TOP2B: variants seen among roughly 807,000 people sequenced by gnomAD.
The protein encoded by TOP2B is DNA topoisomerase 2-beta.
Under a neutral mutation model 193.5 loss-of-function variants are expected in TOP2B, and 51 were observed. That is an observed-to-expected ratio of 0.26 (90% CI 0.21 to 0.33). The LOEUF (loss-of-function observed/expected upper bound fraction) is 0.33. Among genes scored for constraint, TOP2B ranks in the 10% least tolerant of loss-of-function variants. The pLI is 1.00. For missense variants in TOP2B, 1,378 were observed against 1,909.3 expected, an observed-to-expected ratio of 0.72 and a Z score of 5.19; for synonymous variants, 634 against 635.7, an observed-to-expected ratio of 1.00 and a Z score of 0.04.
At chr3:25,621,036 A>G in intron 21 of TOP2B, among the ~76,000 whole-genome samples, 1 of 152,176 alleles carries the variant, frequency 6.6e-6, no homozygotes, top group Non-Finnish European at 1.5e-5. Context: ...TAGTCTTCCT[A>G]GAACAGTACT....
Position 25,664,757 on chromosome 3 carries a change from G to T in TOP2B, c.-460C>A. The T allele has an allele frequency of 2.0e-6, 2 of 988,468 alleles. No homozygotes were observed. The highest frequency in any genetic ancestry group is 2.4e-6 in the Non-Finnish European group (2 of 830,846). The allele number at this position is 988,468 out of a possible 1,614,324, so 61.2% of individuals were successfully genotyped here. A position where few individuals can be genotyped will look rare whatever the true frequency, so the allele number is the denominator to read the frequency against. On this transcript the variant is annotated 5_prime_UTR_variant, in exon 1 of 36. Coordinates refer to ENST00000264331, the MANE Select transcript of TOP2B (RefSeq NM_001330700.2). ...AGCCACTCGAGTCGCCAGAGTAGTC[G>T]TCCCGGTCGCCGCCGCTGCTTCAAA...
At chr3:25,607,803 CAG>C (rs1032594629) in intron 30 of TOP2B, among the ~76,000 whole-genome samples, 14 of 152,162 alleles carry the variant, frequency 9.2e-5, no homozygotes, top group African/African-American at 3.1e-4. Flanking sequence ...TTTTTTGACA[CAG>C]AGTCTTGTTC....
At position 25,616,495 on chromosome 3, in the gene TOP2B, GAAGT is replaced by G. The variant is rs547487793; in HGVS notation, c.3352-913_3352-910del. On this transcript the variant is annotated intron_variant, in intron 25 of 35. Coordinates refer to ENST00000264331, the MANE Select transcript of TOP2B (RefSeq NM_001330700.2). ...CAAAGTACAGTTTACGTGTACTTCA[GAAGT>G]AAGATAAAAATTAAAACTGCAAAGC... Among the ~76,000 whole-genome samples the G allele has an allele frequency of 1.7e-3, 260 of 150,484 alleles. 2 individuals are homozygous for G. Among genetic ancestry groups the G allele is most frequent in the African/African-American group, 5.9e-3 (241 of 41,072 alleles).
At chr3:25,651,463 A>G (rs966688789) in intron 1 of TOP2B, among the ~76,000 whole-genome samples, 2 of 151,892 alleles carry the variant, frequency 1.3e-5, no homozygotes, top group Non-Finnish European at 1.5e-5. Flanking sequence ...AAAAAAATCA[A>G]TGAAACACAA....
rs1575558987 is a variant in TOP2B, at chr3:25,601,285, G to C, written c.4490-60C>G. 27 of 1,553,988 alleles carry C rather than the reference G, an allele frequency of 1.7e-5. No homozygotes were observed. In the East Asian group the frequency reaches 5.7e-4, roughly 33 times the overall value. ...ACTTACCAACAAACCAAACTGAAGAGAGTCCTATATAAATGGAATTTCTTA... is the reference window on the plus strand; with the variant it reads ...ACTTACCAACAAACCAAACTGAAGACAGTCCTATATAAATGGAATTTCTTA... On this transcript the variant is annotated intron_variant, in intron 33 of 35. Transcript: ENST00000264331.
intron 1 of TOP2B, among the ~76,000 whole-genome samples, chr3:25,650,133 C>G (rs1173628810): frequency 1.3e-5 from 2 of 152,180 alleles, no homozygotes; most frequent in African/African-American, 4.8e-5. Context: ...ATCATCAAAA[C>G]TCTCATAAAA....
At chr3:25,613,181 A>G (rs560784275) in intron 27 of TOP2B, among the ~76,000 whole-genome samples, 9 of 152,230 alleles carry the variant, frequency 5.9e-5, no homozygotes, top group Non-Finnish European at 1.0e-4. Context: ...AAAAGTGCCA[A>G]TATAATTAGA....
chr3:25,609,422 G>T, intron 29 of TOP2B, 78 bp from the exon 30 acceptor site: 1 of 1,463,696 alleles, frequency 6.8e-7, no homozygotes, highest in South Asian at 1.4e-5. Context: ...TTGTTATAAT[G>T]AAAAGTTCAT....
At chr3:25,625,551 C>T (rs1482379393) in intron 18 of TOP2B, among the ~76,000 whole-genome samples, 2 of 119,796 alleles carry the variant, frequency 1.7e-5, no homozygotes, top group Non-Finnish European at 3.5e-5. Context: ...TTTGTTTTTG[C>T]GATTATTTTT....
chr3:25,645,926 A>ATTTT (rs756446533), intron 1 of TOP2B, among the ~76,000 whole-genome samples: 76 of 140,516 alleles, frequency 5.4e-4, no homozygotes, highest in African/African-American at 1.6e-3. Context: ...TGCCCAGGTA[A>ATTTT]TTTTTTTTTT....
At chr3:25,601,257 T>C (rs1402240628) in intron 33 of TOP2B, 32 bp from the exon 34 acceptor site, 1 of 1,597,594 alleles carries the variant, frequency 6.3e-7, no homozygotes. Context: ...CACAGGTCAA[T>C]ATACTTACCA....
intron 4 of TOP2B, among the ~76,000 whole-genome samples, chr3:25,640,223 G>A (rs1216652424): frequency 1.3e-5 from 2 of 152,108 alleles, no homozygotes; most frequent in African/African-American, 4.8e-5. Flanking sequence ...GAGACAAAAT[G>A]TTATAGTTAA....
At chr3:25,642,597 C>G (rs1392472455) in intron 3 of TOP2B, among the ~76,000 whole-genome samples, 5 of 151,814 alleles carry the variant, frequency 3.3e-5, no homozygotes, top group African/African-American at 1.2e-4. Context: ...TGTTTTCCAC[C>G]ACAAAAAAAG....
chr3:25,638,116 T>A (rs1358353252), intron 5 of TOP2B, 49 bp downstream of exon 5: 2 of 1,486,160 alleles, frequency 1.3e-6, no homozygotes, highest in Admixed American at 4.3e-5. Flanking sequence ...TTATACATTT[T>A]ATATTAAGAA....
At chr3:25,662,855 A>G (rs1257788130) in intron 1 of TOP2B, among the ~76,000 whole-genome samples, 1 of 152,200 alleles carries the variant, frequency 6.6e-6, no homozygotes. Flanking sequence ...TGGCTGTCTA[A>G]GTCAATTTTC....
Position 25,618,500 on chromosome 3 carries a change from G to T in TOP2B, c.3269C>A (p.Ser1090Ter). ...TAACATTTGAATCAAATCTTTCTTTGACCTATTCTCTATGTGAGGGAAAAA... is the reference window on the plus strand; with the variant it reads ...TAACATTTGAATCAAATCTTTCTTTTACCTATTCTCTATGTGAGGGAAAAA... The part of the protein sequence containing the change: ...IQGKITIENR[S>*]KKDLIQMLVQ... Residue 1090 changes from serine to a stop codon, truncating the protein, a stop_gained, in exon 25 of 36, where the codon TCA (serine) becomes TAA (stop). Coordinates refer to ENST00000264331, the MANE Select transcript of TOP2B (RefSeq NM_001330700.2). LOFTEE classifies it high-confidence loss of function. 1 of 1,610,500 alleles carries T rather than the reference G, an allele frequency of 6.2e-7. No homozygotes were observed. Among genetic ancestry groups the T allele is most frequent in the South Asian group, 1.1e-5 (1 of 90,688 alleles).
intron 19 of TOP2B, 49 bp from the exon 20 acceptor site, chr3:25,624,494 T>C (rs1702744147): frequency 6.3e-7 from 1 of 1,579,410 alleles, no homozygotes; most frequent in Non-Finnish European, 8.6e-7. Context: ...CTAAATTTTC[T>C]ATAATTACTC....
intron 1 of TOP2B, among the ~76,000 whole-genome samples, chr3:25,649,697 A>G (rs1373830889): frequency 6.6e-6 from 1 of 152,086 alleles, no homozygotes; most frequent in Non-Finnish European, 1.5e-5. Context: ...ACTTTCTTAG[A>G]TAAACAAACA....
intron 1 of TOP2B, among the ~76,000 whole-genome samples, chr3:25,650,347 G>C (rs1703550527): frequency 6.6e-6 from 1 of 152,156 alleles, no homozygotes; most frequent in African/African-American, 2.4e-5. Context: ...CTGTTGCCAA[G>C]ACCTTTGCTC....
Sources: gnomAD v4.1 joint callset for allele counts (sites outside exome capture counted in the v4.1 genomes callset) on GRCh38, gnomAD v4.1.1 for gene constraint, MANE v1.5 for transcripts, NCBI Gene and HGNC (gene_info 2026-07-23, HGNC 2026-07-21) for gene names.